ESR1: variants seen among roughly 807,000 people sequenced by gnomAD.
ESR1 encodes the protein estrogen receptor 1.
In ESR1, 12 loss-of-function variants were observed where a neutral mutation model predicts 52.7. The ratio of observed to expected loss-of-function variants is 0.23; its 90% CI spans 0.15 to 0.37. The LOEUF (loss-of-function observed/expected upper bound fraction) is 0.37. Among genes scored for constraint, ESR1 ranks in the 10% least tolerant of loss-of-function variants. The pLI, the probability that ESR1 is intolerant of heterozygous loss-of-function variation, is 1.00. For synonymous variants in ESR1, 305 were observed against 316.8 expected (o/e 0.96, Z 0.39); for missense variants, 584 against 779.7 (o/e 0.75, Z 2.99).
In ESR1 at chr6:151,861,798, AG is replaced by A. The variant is rs1329300999; in HGVS notation, c.644-18856del. Among the ~76,000 whole-genome samples, 14 of 152,140 alleles carry A rather than the reference AG, an allele frequency of 9.2e-5. No individual in the cohort carries two copies. In the East Asian group the frequency reaches 2.7e-3, roughly 29 times the overall value. ...TTTTTTGCCTGCTTTTTCCAGCATT[AG>A]AATAGTTTCAGCCCTGACAATTAGC... is the stretch of plus-strand genomic sequence containing the variant. On this transcript the variant is annotated intron_variant, in intron 2 of 7. Coordinates refer to ENST00000206249, the MANE Select transcript of ESR1 (RefSeq NM_000125.4).
chr6:152,084,819 G>A (rs534245782), intron 6 of ESR1, among the ~76,000 whole-genome samples: 6 of 152,042 alleles, frequency 3.9e-5, no homozygotes, highest in Non-Finnish European at 8.8e-5. Context: ...ACAATTCAAA[G>A]TCATTTATTC....
At chr6:151,740,285 A>ATTTTT (rs386408967) in intron 2 of ESR1, among the ~76,000 whole-genome samples, 5 of 108,000 alleles carry the variant, frequency 4.6e-5, no homozygotes, top group Admixed American at 1.1e-4. Context: ...TGCCTGGCTA[A>ATTTTT]TTTTTTTTTT....
chr6:151,984,323 A>T (rs557689698), intron 4 of ESR1, among the ~76,000 whole-genome samples: 1 of 152,126 alleles, frequency 6.6e-6, no homozygotes, highest in South Asian at 2.1e-4. Context: ...TGTATAGGTT[A>T]AGTTGAAATC....
intron 5 of ESR1, among the ~76,000 whole-genome samples, chr6:152,057,694 T>TACACACACACACACAC (rs10560254): frequency 8.9e-5 from 13 of 145,724 alleles, no homozygotes; most frequent in African/African-American, 2.5e-4. Flanking sequence ...TACACATGCA[T>TACACACACACACACAC]ACACACACAC....
At chr6:151,700,766 C>A (rs1433695623) in intron 1 of ESR1, among the ~76,000 whole-genome samples, 1 of 143,364 alleles carries the variant, frequency 7.0e-6, no homozygotes, top group African/African-American at 2.6e-5. Flanking sequence ...ACTAATATTT[C>A]AGATGGAAAA....
intron 3 of ESR1, among the ~76,000 whole-genome samples, chr6:151,899,643 G>T (rs544605228): frequency 6.6e-6 from 1 of 151,828 alleles, no homozygotes; most frequent in Non-Finnish European, 1.5e-5. Context: ...TCCCAGACGG[G>T]GTGGCTGCCG....
At chr6:152,044,038 T>G (rs1381280020) in intron 5 of ESR1, among the ~76,000 whole-genome samples, 1 of 152,036 alleles carries the variant, frequency 6.6e-6, no homozygotes, top group Non-Finnish European at 1.5e-5. Context: ...AATCCCTGAG[T>G]TCATCATTTT....
chr6:152,051,851 C>T (rs932037314), intron 5 of ESR1, among the ~76,000 whole-genome samples: 1 of 152,146 alleles, frequency 6.6e-6, no homozygotes, highest in Non-Finnish European at 1.5e-5. Flanking sequence ...AAATTATCTT[C>T]TGCCCACATA....
At chr6:152,124,498 C>T (rs2052625140) in intron 6 of ESR1, among the ~76,000 whole-genome samples, 1 of 152,198 alleles carries the variant, frequency 6.6e-6, no homozygotes, top group Non-Finnish European at 1.5e-5. Flanking sequence ...AGGTGTCAAC[C>T]TCTTCACTAA....
At chr6:151,881,998 C>T (rs1793015342) in intron 3 of ESR1, among the ~76,000 whole-genome samples, 1 of 152,016 alleles carries the variant, frequency 6.6e-6, no homozygotes, top group South Asian at 2.1e-4. Context: ...ATGGTGCTAC[C>T]TGCTGATTGT....
chr6:152,086,887 G>T (rs1233029322), intron 6 of ESR1, among the ~76,000 whole-genome samples: 1 of 152,066 alleles, frequency 6.6e-6, no homozygotes. Context: ...TTACGAGCAG[G>T]CTCTTCACCT....
rs146491606 is a variant in ESR1 at position 151,979,123 on chromosome 6, C to T, written c.1097-32533C>T. 4.3e-4 allele frequency among the ~76,000 whole-genome samples: 66 copies of T among 152,222 alleles called. 2 individuals are homozygous for T. In the East Asian group the frequency reaches 0.013, roughly 29 times the overall value. ...CAAACTTTTTCTTCTTTCAAGGACA[C>T]CAGTTAGACTAGATTAGGGTCCACC... is the stretch of plus-strand genomic sequence containing the variant. On this transcript the variant is annotated intron_variant, in intron 4 of 7. Transcript: ENST00000206249.
downstream of ESR1, among the ~76,000 whole-genome samples, chr6:152,105,257 G>A (rs2051049391): frequency 6.6e-6 from 1 of 152,158 alleles, no homozygotes; most frequent in Non-Finnish European, 1.5e-5. Flanking sequence ...ATAACCAGTT[G>A]GTCAGAGGTA....
chr6:152,050,330 G>A (rs1284451395), intron 5 of ESR1, among the ~76,000 whole-genome samples: 1 of 152,062 alleles, frequency 6.6e-6, no homozygotes, highest in Non-Finnish European at 1.5e-5. Context: ...CCATTCTTAA[G>A]GTAATGGACC....
chr6:152,088,480 T>C (rs2049920679), intron 6 of ESR1, among the ~76,000 whole-genome samples: 1 of 152,222 alleles, frequency 6.6e-6, no homozygotes, highest in African/African-American at 2.4e-5. Flanking sequence ...TGTGGCAGTA[T>C]TGAGAAGTGG....
chr6:151,849,713 G>C (rs1785935058), intron 2 of ESR1, among the ~76,000 whole-genome samples: 1 of 151,564 alleles, frequency 6.6e-6, no homozygotes, highest in Non-Finnish European at 1.5e-5. Flanking sequence ...AATGTCACTG[G>C]GTTAGGTTGG....
chr6:151,767,113 T>C (rs1785119292), intron 2 of ESR1, among the ~76,000 whole-genome samples: 1 of 152,222 alleles, frequency 6.6e-6, no homozygotes, highest in South Asian at 2.1e-4. Flanking sequence ...CATCTGTTTC[T>C]TTTGTCTTCT....
upstream of ESR1, among the ~76,000 whole-genome samples, chr6:151,686,675 A>G (rs140467816): frequency 0.014 from 2,060 of 149,766 alleles, 13 homozygotes; most frequent in Non-Finnish European, 0.021. Flanking sequence ...GTGACAGAGC[A>G]AGACTCCATC....
At chr6:151,791,500 C>G (rs1395010408) in intron 2 of ESR1, among the ~76,000 whole-genome samples, 1 of 152,124 alleles carries the variant, frequency 6.6e-6, no homozygotes, top group Non-Finnish European at 1.5e-5. Context: ...ATTACCCAGT[C>G]TTGGATATGT....
Sources: allele counts gnomAD v4.1 joint callset (sites outside exome capture counted in the v4.1 genomes callset), GRCh38; gene constraint gnomAD v4.1.1; transcripts MANE v1.5; gene names NCBI Gene and HGNC (gene_info 2026-07-23, HGNC 2026-07-21).